Variants in MCPH1 observed in about 807,000 individuals in gnomAD.
The protein encoded by MCPH1 is microcephalin 1.
MCPH1 carries 104 observed loss-of-function variants against 84.5 expected under a neutral mutation model. The ratio of observed to expected loss-of-function variants is 1.23; its 90% CI spans 1.05 to 1.45. The LOEUF (loss-of-function observed/expected upper bound fraction) is 1.45, where lower values mean the gene tolerates loss of function less well. Among genes scored for constraint, MCPH1 ranks in the 40% most tolerant of loss-of-function variants. The pLI, the probability that MCPH1 is intolerant of heterozygous loss-of-function variation, is 0.00. For synonymous variants in MCPH1, 514 were observed against 366.8 expected (o/e 1.40, Z -4.58); for missense variants, 1,498 against 1,005.7 (o/e 1.49, Z -6.62).
intron 13 of MCPH1, among the ~76,000 whole-genome samples, chr8:6,641,166 A>T (rs1386639475): frequency 6.6e-6 from 1 of 152,160 alleles, no homozygotes; most frequent in Non-Finnish European, 1.5e-5. Context: ...TTTTTGGATT[A>T]CATTGAATTT....
At chr8:6,409,976 A>ATTTTTTTTTTTTTTTTTTTT (rs34420641) in intron 2 of MCPH1, among the ~76,000 whole-genome samples, 5 of 147,580 alleles carry the variant, frequency 3.4e-5, no homozygotes, top group African/African-American at 1.2e-4. Context: ...GTAGGGAGTA[A>ATTTTTTTTTTTTTTTTTTTT]TTTTTTTTTT....
At chr8:6,519,818 G>A (rs1466012380) in intron 12 of MCPH1, 1 of 1,602,010 alleles carries the variant, frequency 6.2e-7, no homozygotes. Flanking sequence ...CACTAAAGTG[G>A]CCTGCCTAGA....
At chr8:6,532,616 C>T (rs1275403888) in intron 12 of MCPH1, 7 of 677,182 alleles carry the variant, frequency 1.0e-5, no homozygotes, top group South Asian at 4.0e-5. Context: ...TTGTACCTTG[C>T]CTTCCTTTTG....
intron 12 of MCPH1, among the ~76,000 whole-genome samples, chr8:6,602,301 G>A (rs998642510): frequency 3.3e-5 from 5 of 152,330 alleles, no homozygotes; most frequent in Non-Finnish European, 5.9e-5. Flanking sequence ...GCAGGAGAGG[G>A]ACCGTCCTTG....
In MCPH1 at chr8:6,571,020, T is replaced by A. The variant is rs529172980; in HGVS notation, c.2215-50434T>A. Among the ~76,000 whole-genome samples the A allele has an allele frequency of 2.1e-3, 317 of 152,254 alleles. 2 individuals carry two copies. The highest frequency in any genetic ancestry group is 7.2e-3 in the African/African-American group (301 of 41,564). The stretch of plus-strand genomic sequence containing the variant: ...TAACTATTTTTTAAGAAAAAAAAAT[T>A]CCTTGAGTTTTTAGAAATAGTTTAT... On this transcript the variant is annotated intron_variant, in intron 12 of 13. Coordinates refer to ENST00000344683, the MANE Select transcript of MCPH1 (RefSeq NM_024596.5).
chr8:6,566,936 C>T lies in MCPH1; in HGVS notation c.2215-54518C>T, dbSNP rs113012231. Among the ~76,000 whole-genome samples the T allele has an allele frequency of 2.4e-3, 308 of 126,382 alleles. 8 individuals are homozygous for T. Among genetic ancestry groups the T allele is most frequent in the African/African-American group, 9.4e-3 (255 of 27,212 alleles). The allele number at this position is 126,382 out of a possible 152,430, so 82.9% of individuals were successfully genotyped here. A position where few individuals can be genotyped will look rare whatever the true frequency, so the allele number is the denominator to read the frequency against. On this transcript the variant is annotated intron_variant, in intron 12 of 13. Transcript: ENST00000344683. ...AAGGCCATGGATAGTGCACGCGGTG[C>T]GGTGACCGTGTGTGATCGGCAAGGC...
At chr8:6,427,937 C>T (rs983201400) in intron 3 of MCPH1, among the ~76,000 whole-genome samples, 30 of 151,952 alleles carry the variant, frequency 2.0e-4, no homozygotes, top group Non-Finnish European at 4.4e-5. Context: ...GAATTACAGG[C>T]ACGCACCACC....
chr8:6,502,071 T>A (rs1477580914), intron 12 of MCPH1: 1 of 152,072 alleles, frequency 6.6e-6, no homozygotes, highest in Non-Finnish European at 1.5e-5. Flanking sequence ...CAACCAGAAA[T>A]TAAATTGTAG....
At chr8:6,634,453 AC>A (rs1797393259) in intron 13 of MCPH1, among the ~76,000 whole-genome samples, 2 of 152,108 alleles carry the variant, frequency 1.3e-5, no homozygotes, top group African/African-American at 4.8e-5. Context: ...AGCTGACGGG[AC>A]AGCCCCTACA....
At chr8:6,614,619 A>G (rs1249609689) in intron 12 of MCPH1, among the ~76,000 whole-genome samples, 1 of 152,196 alleles carries the variant, frequency 6.6e-6, no homozygotes, top group East Asian at 1.9e-4. Context: ...CAGCCTTATG[A>G]ATAATCAACG....
intron 12 of MCPH1, among the ~76,000 whole-genome samples, chr8:6,540,001 A>T (rs144667378): frequency 4.6e-5 from 7 of 152,294 alleles, no homozygotes; most frequent in African/African-American, 9.6e-5. Context: ...TAACTCCAAG[A>T]TGTATTAGGA....
chr8:6,526,852 A>G (rs979209798), intron 12 of MCPH1, among the ~76,000 whole-genome samples: 1 of 152,232 alleles, frequency 6.6e-6, no homozygotes, highest in Non-Finnish European at 1.5e-5. Context: ...GAACAGACAT[A>G]TGAAAACAGT....
chr8:6,475,905 C>A (rs1317273625), intron 9 of MCPH1, among the ~76,000 whole-genome samples: 1 of 152,102 alleles, frequency 6.6e-6, no homozygotes, highest in African/African-American at 2.4e-5. Context: ...AGGCCGTCAC[C>A]AGAAAGAGGA....
In MCPH1 at chr8:6,639,300, C is replaced by A. The variant is rs1440645531; in HGVS notation, c.2453-3694C>A. ...ACACAGGGTCCTCCAGTCTTACAAC[C>A]CTTCCTTAACTACAATAAAGATAGA... On this transcript the variant is annotated intron_variant, in intron 13 of 13. Coordinates refer to ENST00000344683, the MANE Select transcript of MCPH1 (RefSeq NM_024596.5). Among the ~76,000 whole-genome samples the A allele has an allele frequency of 2.0e-5, 3 of 152,148 alleles. No homozygotes were observed. The East Asian group carries it at 5.8e-4, about 29-fold the overall frequency.
chr8:6,480,678 T>G, intron 10 of MCPH1, 36 bp from the exon 11 acceptor site: 1 of 1,613,280 alleles, frequency 6.2e-7, no homozygotes, highest in Non-Finnish European at 8.5e-7. Context: ...TGCAACAAAG[T>G]CATTCATTTT....
intron 12 of MCPH1, among the ~76,000 whole-genome samples, chr8:6,565,650 C>T (rs1826085065): frequency 6.6e-6 from 1 of 152,162 alleles, no homozygotes; most frequent in Non-Finnish European, 1.5e-5. Flanking sequence ...CACCACAGTA[C>T]TTTTTGTCTA....
intron 12 of MCPH1, among the ~76,000 whole-genome samples, chr8:6,576,950 G>T (rs1827177115): frequency 6.6e-6 from 1 of 152,060 alleles, no homozygotes; most frequent in Non-Finnish European, 1.5e-5. Context: ...TTTGAAATCT[G>T]AGAGACGCAG....
At chr8:6,642,823 C>G (rs778043427) in intron 13 of MCPH1, 171 bp from the exon 14 acceptor site, 9 of 685,238 alleles carry the variant, frequency 1.3e-5, no homozygotes, top group Non-Finnish European at 2.4e-5. Context: ...AATTTCGTTT[C>G]ACGTTAATTT....
intron 12 of MCPH1, among the ~76,000 whole-genome samples, chr8:6,604,127 C>T (rs1003808698): frequency 2.6e-5 from 4 of 152,010 alleles, no homozygotes; most frequent in Admixed American, 6.6e-5. Flanking sequence ...GATCTTGGAC[C>T]TTCCCTGTCT....
Sources: gnomAD v4.1 joint callset for allele counts (sites outside exome capture counted in the v4.1 genomes callset) on GRCh38, gnomAD v4.1.1 for gene constraint, MANE v1.5 for transcripts, NCBI Gene and HGNC (gene_info 2026-07-23, HGNC 2026-07-21) for gene names.